SLC25A19: variants seen among roughly 807,000 people sequenced by gnomAD.
The protein encoded by SLC25A19 is mitochondrial thiamine pyrophosphate carrier.
Under a neutral mutation model 27.9 loss-of-function variants are expected in SLC25A19, and 18 were observed. The observed-to-expected ratio is 0.64, with a 90% confidence interval of 0.45 to 0.96. The LOEUF (loss-of-function observed/expected upper bound fraction) is 0.96, where lower values mean the gene tolerates loss of function less well. SLC25A19 is among the 40% of genes least tolerant of loss of function. The probability of loss-of-function intolerance (pLI) is 0.00; values close to 1 mark genes in which losing one functional copy is unlikely to be tolerated. For synonymous variants in SLC25A19, 169 were observed against 167.1 expected, an observed-to-expected ratio of 1.01 and a Z score of -0.09; for missense variants, 371 against 418.3, an observed-to-expected ratio of 0.89 and a Z score of 0.99.
At position 75,286,817 on chromosome 17, in the gene SLC25A19, T is replaced by C; in HGVS notation, c.-38-15A>G. On this transcript the variant is annotated splice_polypyrimidine_tract_variant and intron_variant, in intron 2 of 7. Transcript: ENST00000416858. ...TCAGTATCAAGCTAAATGCAAGAGA[T>C]ACGGAATAAACACCAGGCAAGTTTC... 1 of 1,611,948 alleles carries C rather than the reference T, an allele frequency of 6.2e-7. No homozygotes were observed. The highest frequency in any genetic ancestry group is 1.1e-5 in the South Asian group (1 of 90,782).
chr17:75,283,454 C>T lies in SLC25A19; in HGVS notation c.428G>A (p.Arg143His), dbSNP rs372219499. The T allele has an allele frequency of 1.6e-5, 26 of 1,612,274 alleles. No individual in the cohort carries two copies. The highest frequency in any genetic ancestry group is 4.0e-5 in the African/African-American group (3 of 74,894). The change falls in exon 5 of 8, where the codon CGC becomes CAC. Residue 143 changes from arginine (R) to histidine (H), a missense_variant. Physicochemically the swap from Arg to His is conservative, Grantham distance 29. Transcript: ENST00000416858. ...TLTVHPVDVL[R>H]TRFAAQGEPK... ...CTCACCCTGAGCTGCAAAGCGGGTG[C>T]GCAGAACATCCACGGGGTGCACAGT...
chr17:75,284,229 C>G (rs1422797917), intron 4 of SLC25A19, among the ~76,000 whole-genome samples: 1 of 151,842 alleles, frequency 6.6e-6, no homozygotes, highest in Admixed American at 6.6e-5. Context: ...ATGGTGGAAC[C>G]CTGTCTCTAC....
At chr17:75,278,098 G>T in intron 6 of SLC25A19, 54 bp downstream of exon 6, 1 of 1,580,524 alleles carries the variant, frequency 6.3e-7, no homozygotes, top group Non-Finnish European at 8.7e-7. Context: ...TTTGGAAGGG[G>T]GTGTTCTGGT....
At chr17:75,283,784 T>A (rs915762343) in intron 4 of SLC25A19, among the ~76,000 whole-genome samples, 191 bp from the exon 5 acceptor site, 1 of 152,140 alleles carries the variant, frequency 6.6e-6, no homozygotes. Flanking sequence ...CGGATGCCAT[T>A]TGATACTTGA....
In SLC25A19 at chr17:75,273,229, G is replaced by A. The variant is rs1187016696; in HGVS notation, c.*222C>T. The A allele has an allele frequency of 1.7e-6, 1 of 577,800 alleles. No individual in the cohort carries two copies. The highest frequency in any genetic ancestry group is 3.0e-5 in the Admixed American group (1 of 33,020). The allele number at this position is 577,800 out of a possible 1,614,324, so 35.8% of individuals were successfully genotyped here. A position where few individuals can be genotyped will look rare whatever the true frequency, so the allele number is the denominator to read the frequency against. ...GCAACTTCCTGCTCCTTCTCACTGTGTCGTTGGCTCACCATAGACCACGTC... is the reference window on the plus strand; with the variant it reads ...GCAACTTCCTGCTCCTTCTCACTGTATCGTTGGCTCACCATAGACCACGTC... On this transcript the variant is annotated 3_prime_UTR_variant, in exon 8 of 8. Coordinates refer to ENST00000416858, the MANE Select transcript of SLC25A19 (RefSeq NM_001126121.2).
chr17:75,286,795 G>A lies in SLC25A19; in HGVS notation c.-31C>T, dbSNP rs201523446. 7 of 1,613,836 alleles carry A rather than the reference G, an allele frequency of 4.3e-6. No individual in the cohort carries two copies. The highest frequency in any genetic ancestry group is 5.9e-6 in the Non-Finnish European group (7 of 1,179,848). On this transcript the variant is annotated 5_prime_UTR_variant, in exon 3 of 8. Transcript: ENST00000416858. ...CCTCTGGCCCACACAATGTCCATCA[G>A]TATCAAGCTAAATGCAAGAGATACG...
chr17:75,283,712 T>C (rs1301128833), intron 4 of SLC25A19, 119 bp from the exon 5 acceptor site: 1 of 912,556 alleles, frequency 1.1e-6, no homozygotes. Flanking sequence ...GAGGAAAAGG[T>C]CAGGAAATGT....
At chr17:75,280,785 A>G (rs905038488) in intron 5 of SLC25A19, among the ~76,000 whole-genome samples, 1 of 151,984 alleles carries the variant, frequency 6.6e-6, no homozygotes, top group African/African-American at 2.4e-5. Context: ...TTCATCTGAA[A>G]AAAAAATTAG....
In SLC25A19 at chr17:75,284,633, CTTTTTTTTT is replaced by C. The variant is rs1555604197; in HGVS notation, c.289-1049_289-1041del. ...GTGACCCCCTTACATTCAGATCTTT[CTTTTTTTTT>C]TTTTTTTTTTTTTTTTAGGGACAAG... is the stretch of plus-strand genomic sequence containing the variant. On this transcript the variant is annotated intron_variant, in intron 4 of 7. Transcript: ENST00000416858. Among the ~76,000 whole-genome samples, 776 of 112,300 alleles carry C rather than the reference CTTTTTTTTT, an allele frequency of 6.9e-3. 9 individuals carry two copies. Among genetic ancestry groups the C allele is most frequent in the African/African-American group, 0.025 (741 of 29,440 alleles). The allele number at this position is 112,300 out of a possible 152,430, so 73.7% of individuals were successfully genotyped here.
intron 4 of SLC25A19, 34 bp downstream of exon 4, chr17:75,286,269 AC>A: frequency 6.2e-7 from 1 of 1,610,944 alleles, no homozygotes; most frequent in Non-Finnish European, 8.5e-7. Context: ...GAGCAACGTG[AC>A]CCCAGAGGTC....
At chr17:75,279,871 C>A (rs765812320) in intron 5 of SLC25A19, among the ~76,000 whole-genome samples, 9 of 152,084 alleles carry the variant, frequency 5.9e-5, no homozygotes, top group Non-Finnish European at 1.2e-4. Context: ...TGCAATGGTG[C>A]AATCATGGCT....
At chr17:75,274,105 G>A (rs1391887979) in intron 7 of SLC25A19, among the ~76,000 whole-genome samples, 1 of 152,146 alleles carries the variant, frequency 6.6e-6, no homozygotes, top group Non-Finnish European at 1.5e-5. Flanking sequence ...ACTGTAATTG[G>A]GTTAAGACTG....
intron 7 of SLC25A19, chr17:75,273,890 A>G (rs1187077186): frequency 2.4e-6 from 1 of 424,864 alleles, no homozygotes; most frequent in African/African-American, 2.0e-5. Context: ...CCTCCTGAGT[A>G]GCTGGGATTA....
At position 75,273,462 on chromosome 17, in the gene SLC25A19, T is replaced by C; in HGVS notation, c.952A>G (p.Ser318Gly). 2 of 1,614,020 alleles carry C rather than the reference T, an allele frequency of 1.2e-6. No individual in the cohort carries two copies. The highest frequency in any genetic ancestry group is 8.5e-7 in the Non-Finnish European group (1 of 1,180,020). Reference sequence around the variant, plus strand: ...GGTCCTTCCTGCACTCAGCGCTGGCTGGCTGTCCTGTTCATGCAGTGGAAG... The same window carrying C: ...GGTCCTTCCTGCACTCAGCGCTGGCCGGCTGTCCTGTTCATGCAGTGGAAG... ...NVFHCMNRTA[S>G]QR The change falls in exon 8 of 8, where the codon AGC becomes GGC. Residue 318 changes from serine (S) to glycine (G), a missense_variant. Transcript: ENST00000416858.
In SLC25A19 at chr17:75,277,372, G is replaced by T. The variant is rs2077916252; in HGVS notation, c.755C>A (p.Ala252Asp). ...GCTCACCTGGCCAAAGGCAGCTCTG[G>T]CATGCTCAAACCCTCCAACCTGTAG... Reference protein sequence around the residue: ...KRLQVGGFEHARAAFGQVRRY... With the variant: ...KRLQVGGFEHDRAAFGQVRRY... The change falls in exon 7 of 8, where the codon GCC (alanine) becomes GAC (aspartate). Residue 252 changes from alanine (A) to aspartate (D), a missense_variant. Ala to Asp is a moderately radical substitution (Grantham distance 126, BLOSUM62 -2). Coordinates refer to ENST00000416858, the MANE Select transcript of SLC25A19 (RefSeq NM_001126121.2). The T allele has an allele frequency of 2.5e-6, 4 of 1,613,756 alleles. No homozygotes were observed. The highest frequency in any genetic ancestry group is 3.4e-6 in the Non-Finnish European group (4 of 1,179,942).
chr17:75,279,205 A>G (rs555603289), intron 5 of SLC25A19, among the ~76,000 whole-genome samples: 10 of 152,086 alleles, frequency 6.6e-5, no homozygotes, highest in African/African-American at 2.4e-4. Context: ...AGAAACAACT[A>G]TAAGTAGTAA....
Position 75,273,398 on chromosome 17 carries a change from C to T in SLC25A19, c.*53G>A, listed in dbSNP as rs2077777155. Reference sequence around the variant, plus strand: ...CGGCACCTCTCAGTGGAGACTGAATCTTCCTTCCTTCAGGAGGCTGCCTCC... The same window carrying T: ...CGGCACCTCTCAGTGGAGACTGAATTTTCCTTCCTTCAGGAGGCTGCCTCC... On this transcript the variant is annotated 3_prime_UTR_variant, in exon 8 of 8. Coordinates refer to ENST00000416858, the MANE Select transcript of SLC25A19 (RefSeq NM_001126121.2). The T allele has an allele frequency of 6.3e-7, 1 of 1,578,864 alleles. No homozygotes were observed. The highest frequency in any genetic ancestry group is 1.3e-5 in the African/African-American group (1 of 74,330).
Position 75,273,075 on chromosome 17 carries a change from C to T in SLC25A19, c.*376G>A, listed in dbSNP as rs2077767012. 2.9e-6 allele frequency: 1 copy of T among 347,150 alleles called. No individual in the cohort carries two copies. The highest frequency in any genetic ancestry group is 5.5e-6 in the Non-Finnish European group (1 of 180,240). The allele number at this position is 347,150 out of a possible 1,614,324, so 21.5% of individuals were successfully genotyped here. A position where few individuals can be genotyped will look rare whatever the true frequency, so the allele number is the denominator to read the frequency against. On this transcript the variant is annotated 3_prime_UTR_variant, in exon 8 of 8. Transcript: ENST00000416858. ...CCTGACTCCTGCAAAGGGCCTACCGCAGCCCTCTGCACTCAAGCAGCAGCC... is the reference window on the plus strand; with the variant it reads ...CCTGACTCCTGCAAAGGGCCTACCGTAGCCCTCTGCACTCAAGCAGCAGCC...
At position 75,278,162 on chromosome 17, in the gene SLC25A19, T is replaced by C; in HGVS notation, c.633A>G (p.Gly211=). 1 of 1,613,606 alleles carries C rather than the reference T, an allele frequency of 6.2e-7. No individual in the cohort carries two copies. The highest frequency in any genetic ancestry group is 8.5e-7 in the Non-Finnish European group (1 of 1,179,988). The part of the protein sequence containing the change: ...HLYKWAIPAE[G]KKNENLQNLL... ...TGAGGGCTGCCTCACCATTTTTCTT[T>C]CCTTCGGCTGGTATGGCCCACTTGT... Residue 211 remains glycine (G), a synonymous_variant, in exon 6 of 8, where the codon GGA becomes GGG. Coordinates refer to ENST00000416858, the MANE Select transcript of SLC25A19 (RefSeq NM_001126121.2).
Sources: gnomAD v4.1 joint callset for allele counts (sites outside exome capture counted in the v4.1 genomes callset) on GRCh38, gnomAD v4.1.1 for gene constraint, MANE v1.5 for transcripts, NCBI Gene and HGNC (gene_info 2026-07-23, HGNC 2026-07-21) for gene names.